The following RELL1 variants were observed in gnomAD, a reference collection of about 807,000 sequenced individuals.
RELL1 encodes the protein RELT like 1.
RELL1 carries 10 observed loss-of-function variants against 23.0 expected under a neutral mutation model. The ratio of observed to expected loss-of-function variants is 0.43; its 90% CI spans 0.27 to 0.74. The LOEUF (loss-of-function observed/expected upper bound fraction) is 0.74. Ranked by LOEUF, RELL1 falls within the 30% of genes least tolerant of loss-of-function variation. RELL1 has a pLI of 0.19. For synonymous variants in RELL1, 146 were observed against 146.8 expected (o/e 0.99, Z 0.04); for missense variants, 315 against 364.4 (o/e 0.86, Z 1.10).
In RELL1 at chr4:37,596,275, T is replaced by A. The variant is rs142222921; in HGVS notation, c.*4-5058A>T. On this transcript the variant is annotated intron_variant, in intron 6 of 6. Transcript: ENST00000314117. ...GAATTGAAAGCGCACATTCTCAAACTTCAGTGTGCCCCTGAGGCATGTGGT... is the reference window on the plus strand; with the variant it reads ...GAATTGAAAGCGCACATTCTCAAACATCAGTGTGCCCCTGAGGCATGTGGT... 6.8e-4 allele frequency among the ~76,000 whole-genome samples: 104 copies of A among 152,292 alleles called. 1 individual carries two copies. In the East Asian group the frequency reaches 0.02, roughly 29 times the overall value.
intron 6 of RELL1, among the ~76,000 whole-genome samples, chr4:37,625,003 G>A (rs62297177): frequency 0.019 from 2,908 of 152,236 alleles, 39 homozygotes; most frequent in Middle Eastern, 0.034. Context: ...CACATATATC[G>A]TATCATGTAT....
chr4:37,634,504 G>A (rs1359215842), intron 5 of RELL1, among the ~76,000 whole-genome samples: 1 of 152,208 alleles, frequency 6.6e-6, no homozygotes, highest in Non-Finnish European at 1.5e-5. Flanking sequence ...TGGCAAACCT[G>A]GCAGAGCCAC....
At chr4:37,670,507 A>T (rs1307666443) in intron 1 of RELL1, among the ~76,000 whole-genome samples, 3 of 152,238 alleles carry the variant, frequency 2.0e-5, no homozygotes, top group African/African-American at 4.8e-5. Context: ...TTATTACACT[A>T]TAAAACACAA....
intron 1 of RELL1, among the ~76,000 whole-genome samples, chr4:37,672,885 G>A (rs891067988): frequency 3.9e-5 from 6 of 152,154 alleles, no homozygotes; most frequent in Non-Finnish European, 8.8e-5. Flanking sequence ...CCTTAACACT[G>A]ACAGTCCTCC....
At chr4:37,595,028 C>T (rs953538) in intron 6 of RELL1, among the ~76,000 whole-genome samples, 84,417 of 152,112 alleles carry the variant, frequency 0.55, 26,906 homozygotes, top group Non-Finnish European at 0.73. Context: ...ATGACGAAAA[C>T]GTAGAAATTA....
chr4:37,656,690 C>A (rs916560889), intron 1 of RELL1, among the ~76,000 whole-genome samples: 1 of 152,220 alleles, frequency 6.6e-6, no homozygotes, highest in African/African-American at 2.4e-5. Flanking sequence ...GTTGTTCTCA[C>A]AGAAGTGAGT....
intron 3 of RELL1, among the ~76,000 whole-genome samples, chr4:37,645,073 G>A (rs1577586077): frequency 6.6e-6 from 1 of 152,342 alleles, no homozygotes; most frequent in Middle Eastern, 3.4e-3. Flanking sequence ...CCAGCACATA[G>A]CAAACCCTCA....
chr4:37,612,322 T>TTAAAAAAAAAAA lies in RELL1; in HGVS notation c.*1023_*1024insTTTTTTTTTTTA, dbSNP rs546339779. Among the ~76,000 whole-genome samples, 9 of 83,478 alleles carry TTAAAAAAAAAAA rather than the reference T, an allele frequency of 1.1e-4. No individual in the cohort carries two copies. The highest frequency in any genetic ancestry group is 1.5e-4 in the Admixed American group (1 of 6,864). The allele number at this position is 83,478 out of a possible 152,430, so 54.8% of individuals were successfully genotyped here. ...AACCAAGAATCGCTCAGCTAAAGGT[T>TTAAAAAAAAAAA]AAAAAAAAAAAAAAAACAAAAAAAA... On this transcript the variant is annotated 3_prime_UTR_variant, in exon 7 of 7. Transcript: ENST00000454158.
intron 1 of RELL1, among the ~76,000 whole-genome samples, chr4:37,656,502 A>G (rs1290545311): frequency 6.6e-6 from 1 of 152,236 alleles, no homozygotes; most frequent in East Asian, 1.9e-4. Context: ...TGTTTTTACC[A>G]TAATTTTTAA....
intron 6 of RELL1, among the ~76,000 whole-genome samples, chr4:37,614,846 T>G (rs544990978): frequency 2.0e-5 from 3 of 152,262 alleles, no homozygotes; most frequent in African/African-American, 7.2e-5. Context: ...AGGTGGGGGA[T>G]GTCAGGCCTA....
chr4:37,608,592 G>T (rs1300497873), downstream of RELL1, among the ~76,000 whole-genome samples: 2 of 151,674 alleles, frequency 1.3e-5, no homozygotes, highest in Non-Finnish European at 2.9e-5. Flanking sequence ...GTAGGAAGCT[G>T]CAGAAAAAAG....
At chr4:37,640,365 C>T (rs1223476820) in intron 3 of RELL1, among the ~76,000 whole-genome samples, 1 of 152,206 alleles carries the variant, frequency 6.6e-6, no homozygotes, top group Non-Finnish European at 1.5e-5. Flanking sequence ...CTGTAAAACA[C>T]ATTTAAGTAT....
intron 3 of RELL1, among the ~76,000 whole-genome samples, chr4:37,641,957 C>T (rs1477758668): frequency 6.6e-6 from 1 of 152,132 alleles, no homozygotes. Context: ...ACCTAAAGAT[C>T]GTAACTGACT....
intron 6 of RELL1, among the ~76,000 whole-genome samples, chr4:37,621,548 G>A (rs961188536): frequency 2.6e-5 from 4 of 152,112 alleles, no homozygotes; most frequent in African/African-American, 9.7e-5. Context: ...TCTAATTATA[G>A]GTAAAAATGT....
intron 1 of RELL1, among the ~76,000 whole-genome samples, chr4:37,673,924 C>G (rs1278241460): frequency 1.3e-5 from 2 of 152,240 alleles, no homozygotes; most frequent in African/African-American, 4.8e-5. Context: ...GTCTCTGCCA[C>G]ACCCAGTCTG....
At chr4:37,639,521 C>CAAAA (rs68167103) in intron 3 of RELL1, among the ~76,000 whole-genome samples, 1 of 146,372 alleles carries the variant, frequency 6.8e-6, no homozygotes, top group African/African-American at 2.5e-5. Flanking sequence ...TCAACAAAAG[C>CAAAA]AAAAAAAAAA....
chr4:37,638,374 A>C, intron 4 of RELL1, 73 bp downstream of exon 4: 1 of 1,190,020 alleles, frequency 8.4e-7, no homozygotes, highest in Non-Finnish European at 1.2e-6. Context: ...GCAGAAGAGC[A>C]TTTCAGATGG....
downstream of RELL1, among the ~76,000 whole-genome samples, chr4:37,589,608 C>G (rs1373681509): frequency 6.6e-6 from 1 of 152,158 alleles, no homozygotes; most frequent in Non-Finnish European, 1.5e-5. Flanking sequence ...CCTTTTGGCT[C>G]TCTTCTTAAG....
At chr4:37,659,769 C>T (rs1721255048) in intron 1 of RELL1, among the ~76,000 whole-genome samples, 1 of 152,090 alleles carries the variant, frequency 6.6e-6, no homozygotes, top group South Asian at 2.1e-4. Context: ...GAGATGAAGA[C>T]ACGAGCCCAT....
Sources: allele counts gnomAD v4.1 joint callset (sites outside exome capture counted in the v4.1 genomes callset), GRCh38; gene constraint gnomAD v4.1.1; transcripts MANE v1.5; gene names NCBI Gene and HGNC (gene_info 2026-07-23, HGNC 2026-07-21).